CSMD3: variants seen among roughly 807,000 people sequenced by gnomAD.
CSMD3 encodes CUB and sushi domain-containing protein 3.
A neutral mutation model predicts 435.2 loss-of-function variants in CSMD3; 177 were observed. The observed-to-expected ratio is 0.41, with a 90% CI of 0.36 to 0.46. The LOEUF is 0.46. CSMD3 is among the 20% of genes least tolerant of loss of function. CSMD3 has a pLI of 0.34. For synonymous variants in CSMD3, 1,656 were observed against 1,520.5 expected (o/e 1.09, Z -2.07); for missense variants, 4,265 against 4,504.6 (o/e 0.95, Z 1.52).
rs1397589180 is a variant in CSMD3, at chr8:112,525,766, A to ATT, written c.4565-8542_4565-8541insAA. Among the ~76,000 whole-genome samples, 41 of 141,832 alleles carry ATT rather than the reference A, an allele frequency of 2.9e-4. 1 individual carries two copies. In the South Asian group the frequency reaches 8.6e-3, roughly 30 times the overall value. 93.0% of individuals were successfully genotyped at this position (141,832 alleles called of 152,430 possible). On this transcript the variant is annotated intron_variant, in intron 27 of 70. Transcript: ENST00000297405. Reference sequence around the variant, plus strand: ...CATATATATACATATATATATATATATATATTTATATGTGTGTGTATATAT... The same window carrying ATT: ...CATATATATACATATATATATATATATTTATATTTATATGTGTGTGTATATAT...
intron 11 of CSMD3, among the ~76,000 whole-genome samples, chr8:112,835,152 C>A (rs2079985447): frequency 6.6e-6 from 1 of 151,534 alleles, no homozygotes. Context: ...GTAAAAAATC[C>A]ATAGATAGCA....
chr8:112,618,070 A>T (rs1056600524), intron 22 of CSMD3, among the ~76,000 whole-genome samples: 1 of 152,098 alleles, frequency 6.6e-6, no homozygotes, highest in African/African-American at 2.4e-5. Flanking sequence ...TAAGGCTACT[A>T]AAGAAAATTC....
chr8:112,503,654 G>A, intron 30 of CSMD3, 136 bp downstream of exon 30: 1 of 575,944 alleles, frequency 1.7e-6, no homozygotes, highest in Non-Finnish European at 3.0e-6. Context: ...ACGCTTTTAT[G>A]AGATGAACTG....
At chr8:112,283,354 C>T (rs572501995) in intron 58 of CSMD3, among the ~76,000 whole-genome samples, 1 of 151,290 alleles carries the variant, frequency 6.6e-6, no homozygotes, top group Admixed American at 6.6e-5. Flanking sequence ...AATCATGGTA[C>T]CATTTGTTTC....
intron 5 of CSMD3, among the ~76,000 whole-genome samples, chr8:113,066,618 T>C (rs1479383534): frequency 6.6e-6 from 1 of 152,058 alleles, no homozygotes; most frequent in Non-Finnish European, 1.5e-5. Flanking sequence ...TCATTTGGGC[T>C]AGTATTCCTG....
At chr8:112,838,825 T>A (rs962684910) in intron 11 of CSMD3, among the ~76,000 whole-genome samples, 1 of 151,708 alleles carries the variant, frequency 6.6e-6, no homozygotes, top group East Asian at 1.9e-4. Context: ...GTAATAATCA[T>A]CCTAAATTAG....
chr8:113,074,651 T>C (rs1198565569), intron 5 of CSMD3, among the ~76,000 whole-genome samples: 1 of 151,928 alleles, frequency 6.6e-6, no homozygotes, highest in African/African-American at 2.4e-5. Flanking sequence ...ATGTGTTTAC[T>C]ACCTTTGTGA....
intron 5 of CSMD3, among the ~76,000 whole-genome samples, chr8:113,023,078 C>G (rs2086741044): frequency 6.6e-6 from 1 of 151,906 alleles, no homozygotes; most frequent in African/African-American, 2.4e-5. Context: ...TAAAACTATT[C>G]TGAGCTTATT....
chr8:113,078,106 T>C (rs2089419286), intron 5 of CSMD3, among the ~76,000 whole-genome samples: 2 of 152,296 alleles, frequency 1.3e-5, no homozygotes, highest in South Asian at 2.1e-4. Context: ...TTATATTCAA[T>C]GCTGGCATAA....
chr8:113,107,313 G>T (rs950128761), intron 4 of CSMD3, among the ~76,000 whole-genome samples: 1 of 152,180 alleles, frequency 6.6e-6, no homozygotes, highest in African/African-American at 2.4e-5. Flanking sequence ...TAGAAAAGGG[G>T]TTTCACCATA....
chr8:112,345,735 AT>A (rs1825601664), intron 41 of CSMD3, among the ~76,000 whole-genome samples: 1 of 152,186 alleles, frequency 6.6e-6, no homozygotes, highest in South Asian at 2.1e-4. Flanking sequence ...ACCATAAAAA[AT>A]ATTAGAGATA....
At chr8:112,342,989 A>ATATATATATATATT (rs1825293309) in intron 41 of CSMD3, among the ~76,000 whole-genome samples, 1 of 40,052 alleles carries the variant, frequency 2.5e-5, no homozygotes, top group African/African-American at 6.1e-5. Context: ...ATATATATTT[A>ATATATATATATATT]TATATATATA....
At chr8:113,115,833 G>A (rs1318135891) in intron 4 of CSMD3, among the ~76,000 whole-genome samples, 1 of 152,120 alleles carries the variant, frequency 6.6e-6, no homozygotes, top group East Asian at 1.9e-4. Context: ...ATCTTCTGAG[G>A]CAATTGCTTA....
chr8:112,709,561 A>C (rs2076568095), intron 13 of CSMD3, among the ~76,000 whole-genome samples: 1 of 152,118 alleles, frequency 6.6e-6, no homozygotes, highest in Non-Finnish European at 1.5e-5. Context: ...AAACAGAAAA[A>C]AATACTAAAA....
chr8:112,562,513 A>C (rs1333421889), intron 24 of CSMD3, among the ~76,000 whole-genome samples: 2 of 151,530 alleles, frequency 1.3e-5, no homozygotes, highest in African/African-American at 4.8e-5. Flanking sequence ...AAAAAGAAAT[A>C]GATTGTTAAA....
intron 12 of CSMD3, among the ~76,000 whole-genome samples, chr8:112,825,611 C>T (rs1328405551): frequency 6.6e-6 from 1 of 152,102 alleles, no homozygotes; most frequent in African/African-American, 2.4e-5. Flanking sequence ...CTGCAGTTTC[C>T]TGGAGGTTCA....
chr8:113,112,412 T>A (rs1262486805), intron 4 of CSMD3, among the ~76,000 whole-genome samples: 1 of 6,886 alleles, frequency 1.5e-4, no homozygotes, highest in Non-Finnish European at 2.3e-4. Context: ...TATATATATA[T>A]ATATATATAT....
intron 22 of CSMD3, among the ~76,000 whole-genome samples, chr8:112,624,064 T>G (rs1834290194): frequency 6.6e-6 from 1 of 152,088 alleles, no homozygotes; most frequent in African/African-American, 2.4e-5. Context: ...TAATAGATAT[T>G]AAAAGTTTTT....
chr8:112,751,704 T>C (rs148327929), intron 13 of CSMD3, among the ~76,000 whole-genome samples: 1 of 151,816 alleles, frequency 6.6e-6, no homozygotes, highest in African/African-American at 2.4e-5. Context: ...TAACCTTCTA[T>C]CCTACTTCAC....
Sources: gnomAD v4.1 joint callset for allele counts (sites outside exome capture counted in the v4.1 genomes callset) on GRCh38, gnomAD v4.1.1 for gene constraint, MANE v1.5 for transcripts, NCBI Gene and HGNC (gene_info 2026-07-23, HGNC 2026-07-21) for gene names.